The following HDAC9 variants were observed in gnomAD, a reference collection of about 807,000 sequenced individuals.
HDAC9 encodes histone deacetylase 9.
In HDAC9, 41 loss-of-function variants were observed where a neutral mutation model predicts 139.4. The ratio of observed to expected loss-of-function variants is 0.29; its 90% CI spans 0.23 to 0.38. The LOEUF is 0.38. Ranked by LOEUF, HDAC9 falls within the 10% of genes least tolerant of loss-of-function variation. The pLI is 1.00. For synonymous variants in HDAC9, 517 were observed against 476.2 expected (o/e 1.09, Z -1.12); for missense variants, 1,147 against 1,297.0 (o/e 0.88, Z 1.78).
chr7:18,401,350 C>A lies in HDAC9; in HGVS notation c.-41-94912C>A, dbSNP rs547556296. On this transcript the variant is annotated intron_variant, in intron 1 of 3. Transcript: ENST00000413509. Reference sequence around the variant, plus strand: ...ACAGCTGCTTTGCATGATTCTATGGCTGTTTGCCTCATTTGAAGATGCAGT... The same window carrying A: ...ACAGCTGCTTTGCATGATTCTATGGATGTTTGCCTCATTTGAAGATGCAGT... 3.3e-5 allele frequency among the ~76,000 whole-genome samples: 5 copies of A among 152,256 alleles called. No individual in the cohort carries two copies. In the South Asian group the frequency reaches 1.0e-3, roughly 32 times the overall value.
chr7:18,376,941 G>A (rs1785038291), intron 1 of HDAC9, among the ~76,000 whole-genome samples: 1 of 152,052 alleles, frequency 6.6e-6, no homozygotes, highest in Non-Finnish European at 1.5e-5. Flanking sequence ...GGCAACCTAA[G>A]CTGATGAAGA....
At chr7:18,155,009 C>T (rs1283098662) in intron 1 of HDAC9, among the ~76,000 whole-genome samples, 1 of 152,088 alleles carries the variant, frequency 6.6e-6, no homozygotes, top group Non-Finnish European at 1.5e-5. Flanking sequence ...TCGACTATTA[C>T]TTCCTTTTCA....
chr7:18,195,450 T>C (rs1790656486), intron 2 of HDAC9, among the ~76,000 whole-genome samples: 1 of 152,174 alleles, frequency 6.6e-6, no homozygotes, highest in Non-Finnish European at 1.5e-5. Flanking sequence ...ATGAGATAAA[T>C]AAAAACATGA....
At chr7:18,984,527 T>TA (rs1279493987) in intron 25 of HDAC9, among the ~76,000 whole-genome samples, 2 of 152,106 alleles carry the variant, frequency 1.3e-5, no homozygotes, top group African/African-American at 4.8e-5. Context: ...AGCATACTAC[T>TA]AAAGGGACAG....
At position 18,867,640 on chromosome 7, in the gene HDAC9, A is replaced by G. The variant is rs565062616; in HGVS notation, c.2685-6838A>G. The stretch of plus-strand genomic sequence containing the variant: ...TTTAAGGCTCTCTTAGGATCTGACA[A>G]GTGTGTATTTTTTAAAAAAATACGT... On this transcript the variant is annotated intron_variant, in intron 21 of 25. Coordinates refer to ENST00000686413, the MANE Select transcript of HDAC9 (RefSeq NM_178425.4). 2.0e-5 allele frequency among the ~76,000 whole-genome samples: 3 copies of G among 152,192 alleles called. No homozygotes were observed. In the South Asian group the frequency reaches 6.2e-4, roughly 32 times the overall value.
At chr7:18,470,816 A>G (rs911382756) in intron 1 of HDAC9, among the ~76,000 whole-genome samples, 1 of 152,182 alleles carries the variant, frequency 6.6e-6, no homozygotes, top group Non-Finnish European at 1.5e-5. Flanking sequence ...ACCTTCCTGA[A>G]TTAGATTTCA....
chr7:18,943,814 T>C (rs1782184911), intron 23 of HDAC9, among the ~76,000 whole-genome samples: 1 of 152,256 alleles, frequency 6.6e-6, no homozygotes, highest in African/African-American at 2.4e-5. Context: ...GTCACTGCTA[T>C]TGACCAGAGA....
At chr7:18,672,209 A>G (rs1056490505) in intron 12 of HDAC9, among the ~76,000 whole-genome samples, 2 of 151,940 alleles carry the variant, frequency 1.3e-5, no homozygotes, top group African/African-American at 4.8e-5. Context: ...CATCTTCTCC[A>G]TTTGTTATTT....
chr7:18,625,398 A>G (rs1841405168), intron 6 of HDAC9, among the ~76,000 whole-genome samples: 1 of 152,182 alleles, frequency 6.6e-6, no homozygotes, highest in Non-Finnish European at 1.5e-5. Context: ...AGGGTTTCTC[A>G]TACTTCGCAC....
chr7:18,784,396 C>A (rs1791515282), intron 16 of HDAC9, among the ~76,000 whole-genome samples: 2 of 151,574 alleles, frequency 1.3e-5, no homozygotes, highest in Admixed American at 1.3e-4. Context: ...TTTTTTTTTA[C>A]AACCTAGTAA....
chr7:18,989,207 G>T (rs1278996612), intron 25 of HDAC9, among the ~76,000 whole-genome samples: 5 of 148,744 alleles, frequency 3.4e-5, no homozygotes, highest in African/African-American at 1.3e-4. Flanking sequence ...GGTACCGGTT[G>T]TTCCTTTCCA....
chr7:18,229,260 A>G (rs1192868861), intron 2 of HDAC9, among the ~76,000 whole-genome samples: 1 of 152,220 alleles, frequency 6.6e-6, no homozygotes, highest in African/African-American at 2.4e-5. Context: ...TTGTAATGCC[A>G]CTGTGTCACA....
intron 1 of HDAC9, among the ~76,000 whole-genome samples, chr7:18,455,513 C>G (rs1450925271): frequency 6.6e-6 from 1 of 152,112 alleles, no homozygotes; most frequent in Non-Finnish European, 1.5e-5. Context: ...ACAATTCTTA[C>G]AGTGAGAATC....
chr7:18,378,220 G>A (rs996982431), intron 1 of HDAC9, among the ~76,000 whole-genome samples: 5 of 152,108 alleles, frequency 3.3e-5, no homozygotes, highest in Non-Finnish European at 7.4e-5. Context: ...CAGGTGACAA[G>A]TCAAAGGAGT....
At chr7:18,133,960 C>T (rs1785209813) in intron 1 of HDAC9, among the ~76,000 whole-genome samples, 1 of 137,408 alleles carries the variant, frequency 7.3e-6, no homozygotes, top group Non-Finnish European at 1.5e-5. Context: ...ACACACACAT[C>T]TCTAGCCTTT....
intron 14 of HDAC9, among the ~76,000 whole-genome samples, chr7:18,761,922 A>G (rs190419107): frequency 1.8e-3 from 268 of 152,318 alleles, no homozygotes; most frequent in African/African-American, 6.1e-3. Context: ...TCCATGCCAA[A>G]TAAGAATATA....
chr7:18,293,670 T>C (rs1463793818), intron 1 of HDAC9, among the ~76,000 whole-genome samples: 3 of 152,042 alleles, frequency 2.0e-5, no homozygotes, highest in Non-Finnish European at 4.4e-5. Flanking sequence ...TGGTTTAGGG[T>C]CGGAAATTTC....
At chr7:18,779,068 C>T (rs1420275310) in intron 16 of HDAC9, among the ~76,000 whole-genome samples, 1 of 152,004 alleles carries the variant, frequency 6.6e-6, no homozygotes, top group East Asian at 1.9e-4. Flanking sequence ...GAACGTCTTC[C>T]CTGTAGCTGC....
intron 1 of HDAC9, among the ~76,000 whole-genome samples, chr7:18,458,113 A>T (rs1793507804): frequency 6.6e-6 from 1 of 151,992 alleles, no homozygotes. Context: ...TGTGCTGACA[A>T]CTCTTTGGCA....
Sources: gnomAD v4.1 joint callset for allele counts (sites outside exome capture counted in the v4.1 genomes callset) on GRCh38, gnomAD v4.1.1 for gene constraint, MANE v1.5 for transcripts, NCBI Gene and HGNC (gene_info 2026-07-23, HGNC 2026-07-21) for gene names.